SCFD2: variants seen among roughly 807,000 people sequenced by gnomAD.
SCFD2 encodes sec1 family domain-containing protein 2.
SCFD2 carries 54 observed loss-of-function variants against 58.9 expected under a neutral mutation model. That is an observed-to-expected ratio of 0.92 (90% CI 0.74 to 1.15). The LOEUF (loss-of-function observed/expected upper bound fraction) is 1.15. SCFD2 is among the 50% of genes most tolerant of loss of function. SCFD2 has a pLI of 0.00. For synonymous variants in SCFD2, 321 were observed against 335.9 expected (o/e 0.96, Z 0.49); for missense variants, 805 against 836.6 (o/e 0.96, Z 0.47).
intron 4 of SCFD2, among the ~76,000 whole-genome samples, chr4:53,191,830 C>T (rs1727923340): frequency 6.6e-6 from 1 of 152,168 alleles, no homozygotes; most frequent in Admixed American, 6.5e-5. Flanking sequence ...AAGGGGCTTC[C>T]TGGATGCAAA....
intron 4 of SCFD2, among the ~76,000 whole-genome samples, chr4:53,255,800 C>T (rs1253802171): frequency 4.0e-4 from 59 of 149,158 alleles, no homozygotes; most frequent in African/African-American, 1.1e-3. Flanking sequence ...CGGGCAGAGG[C>T]GCCCCTCACC....
At chr4:53,169,668 T>C (rs1337259982) in intron 4 of SCFD2, among the ~76,000 whole-genome samples, 3 of 152,252 alleles carry the variant, frequency 2.0e-5, no homozygotes, top group Non-Finnish European at 4.4e-5. Context: ...CAACAGTGCG[T>C]ACAGATTCCC....
At chr4:53,104,179 G>A (rs1724919879) in intron 5 of SCFD2, among the ~76,000 whole-genome samples, 1 of 152,088 alleles carries the variant, frequency 6.6e-6, no homozygotes, top group Non-Finnish European at 1.5e-5. Flanking sequence ...TGGGGGAAGA[G>A]TAATTGTACA....
At chr4:53,112,115 G>A (rs1725189339) in intron 5 of SCFD2, among the ~76,000 whole-genome samples, 4 of 152,102 alleles carry the variant, frequency 2.6e-5, no homozygotes, top group Admixed American at 2.6e-4. Flanking sequence ...TGGAATGGAA[G>A]AGAGTTTTAC....
chr4:53,340,668 TG>T (rs1242605554), intron 2 of SCFD2, among the ~76,000 whole-genome samples: 2 of 152,206 alleles, frequency 1.3e-5, no homozygotes, highest in African/African-American at 4.8e-5. Flanking sequence ...CCTCCTCAAG[TG>T]TGTCCCTCAC....
At chr4:52,890,306 G>A (rs1408877631) in intron 7 of SCFD2, among the ~76,000 whole-genome samples, 1 of 152,214 alleles carries the variant, frequency 6.6e-6, no homozygotes, top group Non-Finnish European at 1.5e-5. Flanking sequence ...GAAACAAACT[G>A]CAACAACAAA....
intron 2 of SCFD2, among the ~76,000 whole-genome samples, chr4:53,347,582 A>G (rs1487529607): frequency 6.6e-6 from 1 of 152,156 alleles, no homozygotes; most frequent in African/African-American, 2.4e-5. Flanking sequence ...GAAAGGCCCC[A>G]CTAAGAAGGA....
At chr4:53,325,071 T>C (rs1733145112) in intron 2 of SCFD2, among the ~76,000 whole-genome samples, 1 of 152,164 alleles carries the variant, frequency 6.6e-6, no homozygotes, top group East Asian at 1.9e-4. Flanking sequence ...CTAACCCACC[T>C]TGCAATACTC....
intron 2 of SCFD2, among the ~76,000 whole-genome samples, chr4:53,325,450 A>T (rs973823521): frequency 1.4e-4 from 21 of 152,304 alleles, no homozygotes; most frequent in African/African-American, 4.3e-4. Flanking sequence ...AGGAGTAAAA[A>T]ATAGAAGAAA....
intron 2 of SCFD2, among the ~76,000 whole-genome samples, chr4:53,317,658 C>T (rs192003376): frequency 3.9e-5 from 6 of 152,288 alleles, no homozygotes; most frequent in East Asian, 1.9e-4. Context: ...CTATATGCAA[C>T]GGCCAGTGTG....
At position 53,238,060 on chromosome 4, in the gene SCFD2, C is replaced by A. The variant is rs549108294; in HGVS notation, c.1311+35766G>T. On this transcript the variant is annotated intron_variant, in intron 4 of 8. Coordinates refer to ENST00000401642, the MANE Select transcript of SCFD2 (RefSeq NM_152540.4). ...GGCTGGCCGGGCGGGGGGCTGACCCCCCCACCTCCCTCCCGGATGGGGCGG... is the reference window on the plus strand; with the variant it reads ...GGCTGGCCGGGCGGGGGGCTGACCCACCCACCTCCCTCCCGGATGGGGCGG... Among the ~76,000 whole-genome samples the A allele has an allele frequency of 4.4e-5, 6 of 136,768 alleles. No individual in the cohort carries two copies. In the East Asian group the frequency reaches 1.2e-3, roughly 27 times the overall value. 89.7% of individuals were successfully genotyped at this position (136,768 alleles called of 152,430 possible).
intron 5 of SCFD2, among the ~76,000 whole-genome samples, chr4:53,114,006 C>T (rs1725248851): frequency 6.6e-6 from 1 of 152,038 alleles, no homozygotes; most frequent in Admixed American, 6.6e-5. Context: ...AGGAGCCAGA[C>T]TCTGAAACCA....
intron 4 of SCFD2, among the ~76,000 whole-genome samples, chr4:53,151,986 C>T (rs763851936): frequency 6.6e-6 from 1 of 152,152 alleles, no homozygotes; most frequent in Non-Finnish European, 1.5e-5. Context: ...TCACTTGTTA[C>T]GATGAAGAGG....
intron 2 of SCFD2, among the ~76,000 whole-genome samples, chr4:53,332,852 T>C (rs551458666): frequency 7.9e-4 from 118 of 149,942 alleles, no homozygotes; most frequent in African/African-American, 2.8e-3. Flanking sequence ...GAAAACCCCA[T>C]TGTCTCAGCC....
rs756009161 is a variant in SCFD2 at position 53,145,331 on chromosome 4, AC to A, written c.1561+1del. ...TGTCCTGTATCTTTGTTAGACACTC[AC>A]CCGTAATTTTTTGCAGCAAAGGTGA... On this transcript the variant is annotated splice_donor_variant, in intron 5 of 8. Coordinates refer to ENST00000401642, the MANE Select transcript of SCFD2 (RefSeq NM_152540.4). LOFTEE classifies it high-confidence loss of function. The A allele has an allele frequency of 1.9e-6, 3 of 1,613,748 alleles. No individual in the cohort carries two copies. The Admixed American group carries it at 5.0e-5, about 27-fold the overall frequency.
intron 5 of SCFD2, among the ~76,000 whole-genome samples, chr4:52,948,100 C>T (rs1720487980): frequency 6.6e-6 from 1 of 151,972 alleles, no homozygotes; most frequent in African/African-American, 2.4e-5. Flanking sequence ...TGTGATACTA[C>T]CCAAATCCAT....
intron 2 of SCFD2, among the ~76,000 whole-genome samples, chr4:53,330,563 C>T (rs1436320062): frequency 1.3e-5 from 2 of 151,962 alleles, no homozygotes; most frequent in Non-Finnish European, 1.5e-5. Context: ...TTTGTCACCA[C>T]CAGGCCTGCT....
intron 5 of SCFD2, among the ~76,000 whole-genome samples, chr4:53,072,069 A>G (rs1723831510): frequency 6.6e-6 from 1 of 152,050 alleles, no homozygotes; most frequent in Non-Finnish European, 1.5e-5. Context: ...CAACTTTACA[A>G]CTAGAGCTGG....
intron 6 of SCFD2, among the ~76,000 whole-genome samples, chr4:52,908,869 C>A (rs909704577): frequency 6.6e-6 from 1 of 152,128 alleles, no homozygotes; most frequent in African/African-American, 2.4e-5. Context: ...TCAAACAGAC[C>A]ATTGTTTGTC....
Sources: gnomAD v4.1 joint callset for allele counts (sites outside exome capture counted in the v4.1 genomes callset) on GRCh38, gnomAD v4.1.1 for gene constraint, MANE v1.5 for transcripts, NCBI Gene and HGNC (gene_info 2026-07-23, HGNC 2026-07-21) for gene names.